The following ADAM23 variants were observed in gnomAD, a reference collection of about 807,000 sequenced individuals.
The protein encoded by ADAM23 is disintegrin and metalloproteinase domain-containing protein 23.
Under a neutral mutation model 120.1 loss-of-function variants are expected in ADAM23, and 33 were observed. The ratio of observed to expected loss-of-function variants is 0.27; its 90% CI spans 0.21 to 0.37. ADAM23 has a LOEUF of 0.37. Ranked by LOEUF, ADAM23 falls within the 10% of genes least tolerant of loss-of-function variation. ADAM23 has a pLI of 1.00. For synonymous variants in ADAM23, 367 were observed against 375.2 expected (o/e 0.98, Z 0.25); for missense variants, 862 against 1,058.2 (o/e 0.81, Z 2.57).
chr2:206,481,376 T>G (rs752514288), intron 3 of ADAM23, 68 bp downstream of exon 3: 8 of 1,178,662 alleles, frequency 6.8e-6, no homozygotes, highest in Non-Finnish European at 9.5e-6. Context: ...AATATCGGTT[T>G]AGTCAAAATA....
At position 206,588,075 on chromosome 2, in the gene ADAM23, G is replaced by C. The variant is rs1300187157; in HGVS notation, c.1789-16G>C. The C allele has an allele frequency of 6.2e-7, 1 of 1,613,860 alleles. No individual in the cohort carries two copies. Among genetic ancestry groups the C allele is most frequent in the Admixed American group, 1.7e-5 (1 of 59,986 alleles). On this transcript the variant is annotated splice_polypyrimidine_tract_variant and intron_variant, in intron 19 of 25. Coordinates refer to ENST00000264377, the MANE Select transcript of ADAM23 (RefSeq NM_003812.4). Reference sequence around the variant, plus strand: ...AACTGACTCTGTGTGCCTCACATGTGTGCTCCTGTCCCCAGGGCCGCTGCT... The same window carrying C: ...AACTGACTCTGTGTGCCTCACATGTCTGCTCCTGTCCCCAGGGCCGCTGCT...
intron 18 of ADAM23, among the ~76,000 whole-genome samples, chr2:206,585,415 A>T (rs958616825): frequency 5.9e-5 from 9 of 152,228 alleles, no homozygotes; most frequent in African/African-American, 2.2e-4. Flanking sequence ...TACTCACCAG[A>T]TTGAAAAGCT....
chr2:206,456,220 C>T (rs1695296427), intron 2 of ADAM23, among the ~76,000 whole-genome samples: 1 of 151,988 alleles, frequency 6.6e-6, no homozygotes, highest in African/African-American at 2.4e-5. Context: ...AGCATGCACA[C>T]CTTACCATGG....
intron 2 of ADAM23, among the ~76,000 whole-genome samples, chr2:206,453,444 G>C (rs1437915475): frequency 6.6e-6 from 1 of 152,068 alleles, no homozygotes; most frequent in African/African-American, 2.4e-5. Flanking sequence ...CAATTATAAG[G>C]CTTTATTCAT....
At chr2:206,493,301 A>G (rs1299342925) in intron 3 of ADAM23, among the ~76,000 whole-genome samples, 3 of 152,236 alleles carry the variant, frequency 2.0e-5, no homozygotes, top group Non-Finnish European at 4.4e-5. Flanking sequence ...TGCTTCTTCC[A>G]TGATGATATC....
chr2:206,601,616 A>C (rs1366825414), intron 24 of ADAM23, among the ~76,000 whole-genome samples: 3 of 152,054 alleles, frequency 2.0e-5, no homozygotes, highest in African/African-American at 7.2e-5. Flanking sequence ...ATATAAAAAA[A>C]TAAAAAAATT....
intron 3 of ADAM23, among the ~76,000 whole-genome samples, chr2:206,481,627 C>A (rs781231711): frequency 6.6e-6 from 1 of 152,070 alleles, no homozygotes; most frequent in Admixed American, 6.6e-5. Context: ...TTTACTGATT[C>A]AAGTATAATT....
At chr2:206,531,177 T>C (rs544911078) in intron 4 of ADAM23, among the ~76,000 whole-genome samples, 43 of 152,300 alleles carry the variant, frequency 2.8e-4, no homozygotes, top group African/African-American at 1.0e-3. Flanking sequence ...TGCAGTACCT[T>C]TTGTGATAGT....
chr2:206,549,097 A>T (rs146642790), intron 8 of ADAM23, among the ~76,000 whole-genome samples: 1 of 152,184 alleles, frequency 6.6e-6, no homozygotes, highest in Non-Finnish European at 1.5e-5. Flanking sequence ...ATGGTAATTT[A>T]CTAGATAACT....
chr2:206,502,512 A>T (rs1464161160), intron 3 of ADAM23, among the ~76,000 whole-genome samples: 2 of 152,064 alleles, frequency 1.3e-5, no homozygotes, highest in African/African-American at 4.8e-5. Flanking sequence ...ACACTTGTAA[A>T]TCGTATGTTT....
chr2:206,589,554 A>G, intron 21 of ADAM23, 40 bp downstream of exon 21: 1 of 1,547,926 alleles, frequency 6.5e-7, no homozygotes, highest in Non-Finnish European at 8.8e-7. Context: ...CTGGACTTGG[A>G]AGCCCTTCTT....
intron 9 of ADAM23, among the ~76,000 whole-genome samples, chr2:206,554,444 C>T (rs1339294912): frequency 2.6e-5 from 4 of 152,018 alleles, no homozygotes; most frequent in African/African-American, 9.7e-5. Context: ...AAATGTTTTG[C>T]GTACGTGTTT....
chr2:206,507,684 A>T (rs753399128), intron 3 of ADAM23, among the ~76,000 whole-genome samples: 3 of 152,170 alleles, frequency 2.0e-5, no homozygotes, highest in Non-Finnish European at 4.4e-5. Flanking sequence ...TTAAAAATGT[A>T]CTTTTCTTAA....
chr2:206,608,605 T>C (rs1453935558), intron 24 of ADAM23, among the ~76,000 whole-genome samples: 1 of 152,008 alleles, frequency 6.6e-6, no homozygotes, highest in Non-Finnish European at 1.5e-5. Flanking sequence ...TAAAGGCAAC[T>C]GAGATTCGTT....
At chr2:206,577,115 A>G (rs796276527) in intron 18 of ADAM23, among the ~76,000 whole-genome samples, 9 of 152,304 alleles carry the variant, frequency 5.9e-5, no homozygotes, top group African/African-American at 2.2e-4. Context: ...AAATGTCCCC[A>G]GAGAACATAG....
chr2:206,608,582 A>ATTC (rs2105863586), intron 24 of ADAM23, among the ~76,000 whole-genome samples: 1 of 152,014 alleles, frequency 6.6e-6, no homozygotes, highest in Admixed American at 6.5e-5. Flanking sequence ...TATTATTATT[A>ATTC]TTGGTGTATC....
intron 2 of ADAM23, among the ~76,000 whole-genome samples, 159 bp from the exon 3 acceptor site, chr2:206,481,073 T>C (rs1695885671): frequency 1.3e-5 from 2 of 152,244 alleles, no homozygotes; most frequent in African/African-American, 2.4e-5. Context: ...AACCATGATA[T>C]TGTATCTAGT....
At chr2:206,498,759 A>G (rs1696315019) in intron 3 of ADAM23, among the ~76,000 whole-genome samples, 1 of 152,192 alleles carries the variant, frequency 6.6e-6, no homozygotes, top group Admixed American at 6.5e-5. Context: ...TCATCTGACA[A>G]AGGGCTAATA....
rs1275265808 is a variant in ADAM23, at chr2:206,547,501, A to G, written c.793A>G (p.Thr265Ala). ...GQYSKQMKNL[T>A]MERGDQWPFL... ...GTATTCTAAGCAAATGAAGAATCTC[A>G]GTAAGTTTTAACTAAAAATAGCGAT... Residue 265 changes from threonine to alanine, a missense_variant and splice_region_variant, in exon 7 of 26, where the codon ACT (threonine) becomes GCT (alanine). By Grantham distance (58) the Thr-to-Ala change is moderately conservative. This residue lies in a region of ADAM23 where 617 missense variants were observed against 813.5 expected (regional missense o/e 0.76). Transcript: ENST00000264377. The G allele has an allele frequency of 8.1e-6, 13 of 1,606,452 alleles. No homozygotes were observed. In the Middle Eastern group the frequency reaches 1.3e-3, roughly 163 times the overall value.
Sources: allele counts gnomAD v4.1 joint callset (sites outside exome capture counted in the v4.1 genomes callset), GRCh38; gene constraint gnomAD v4.1.1; regional missense constraint gnomAD v4.1.1; transcripts MANE v1.5; gene names NCBI Gene and HGNC (gene_info 2026-07-23, HGNC 2026-07-21).